QKI: variants seen among roughly 807,000 people sequenced by gnomAD.
The protein encoded by QKI is KH domain-containing RNA-binding protein QKI.
Under a neutral mutation model 39.0 loss-of-function variants are expected in QKI, and 10 were observed. The observed-to-expected ratio is 0.26, with a 90% CI of 0.16 to 0.43. QKI has a LOEUF of 0.43. Among genes scored for constraint, QKI ranks in the 20% least tolerant of loss-of-function variants. The probability of loss-of-function intolerance (pLI) is 1.00; values close to 1 mark genes in which losing one functional copy is unlikely to be tolerated. For missense variants in QKI, 218 were observed against 428.0 expected (o/e 0.51, Z 4.33); for synonymous variants, 204 against 155.4 (o/e 1.31, Z -2.33).
At chr6:163,533,064 G>C (rs1031272676) in intron 3 of QKI, among the ~76,000 whole-genome samples, 2 of 151,676 alleles carry the variant, frequency 1.3e-5, no homozygotes, top group African/African-American at 4.8e-5. Context: ...TCATATATAT[G>C]CGTTTAGTCA....
At chr6:163,472,918 T>C (rs1792311682) in intron 2 of QKI, among the ~76,000 whole-genome samples, 1 of 151,990 alleles carries the variant, frequency 6.6e-6, no homozygotes, top group Middle Eastern at 3.2e-3. Flanking sequence ...AAATATTCAT[T>C]TCAAAAAATT....
intron 1 of QKI, among the ~76,000 whole-genome samples, chr6:163,422,393 C>G (rs1731317351): frequency 6.6e-6 from 1 of 152,074 alleles, no homozygotes; most frequent in Non-Finnish European, 1.5e-5. Flanking sequence ...CAGAATGTGT[C>G]ATATTCTGCT....
At chr6:163,561,147 T>G (rs2128249844) in intron 4 of QKI, among the ~76,000 whole-genome samples, 1 of 152,330 alleles carries the variant, frequency 6.6e-6, no homozygotes, top group South Asian at 2.1e-4. Flanking sequence ...TAGAAGTTAT[T>G]ATTTCACTGA....
chr6:163,570,052 T>C, intron 7 of QKI: 5 of 986,246 alleles, frequency 5.1e-6, no homozygotes, highest in Non-Finnish European at 4.8e-6. Flanking sequence ...AGACTACAGT[T>C]TAGTATCGCT....
Position 163,534,377 on chromosome 6 carries a change from T to A in QKI, c.403-605T>A, listed in dbSNP as rs1781063077. On this transcript the variant is annotated intron_variant, in intron 3 of 7. Transcript: ENST00000361752. ...TACCGCATGAAATACTTAAAACAAG[T>A]GGTAGTCATCTTACACAATAACATC... 2.0e-5 allele frequency among the ~76,000 whole-genome samples: 3 copies of A among 152,240 alleles called. No homozygotes were observed. In the South Asian group the frequency reaches 6.2e-4, roughly 31 times the overall value.
At chr6:163,455,568 T>C in intron 2 of QKI, 147 bp downstream of exon 2, 1 of 833,394 alleles carries the variant, frequency 1.2e-6, no homozygotes, top group Non-Finnish European at 1.8e-6. Flanking sequence ...GGCATGATAA[T>C]TTAAAAAATT....
At chr6:163,426,272 T>C (rs1446023158) in intron 1 of QKI, among the ~76,000 whole-genome samples, 2 of 151,778 alleles carry the variant, frequency 1.3e-5, no homozygotes, top group Non-Finnish European at 2.9e-5. Flanking sequence ...ATGACATTGA[T>C]TTAACTTGTT....
chr6:163,547,768 T>C (rs1346054752), intron 4 of QKI, among the ~76,000 whole-genome samples: 1 of 152,088 alleles, frequency 6.6e-6, no homozygotes. Flanking sequence ...AAATAGCACA[T>C]ATCTTTTCTC....
At chr6:163,424,965 G>A (rs1334333884) in intron 1 of QKI, among the ~76,000 whole-genome samples, 1 of 152,056 alleles carries the variant, frequency 6.6e-6, no homozygotes, top group African/African-American at 2.4e-5. Flanking sequence ...TTTTAAAATC[G>A]CTTATGATAG....
chr6:163,522,250 A>G (rs930343776), intron 3 of QKI, among the ~76,000 whole-genome samples: 9 of 152,162 alleles, frequency 5.9e-5, no homozygotes, highest in African/African-American at 2.2e-4. Flanking sequence ...GCAAATAAAT[A>G]GTTACTAGTC....
At chr6:163,494,240 T>C (rs1227435370) in intron 3 of QKI, among the ~76,000 whole-genome samples, 1 of 152,246 alleles carries the variant, frequency 6.6e-6, no homozygotes, top group Admixed American at 6.5e-5. Context: ...GTATTTTAAG[T>C]AATCTAGTGA....
intron 1 of QKI, among the ~76,000 whole-genome samples, chr6:163,445,917 G>T (rs1269601370): frequency 6.6e-6 from 1 of 152,122 alleles, no homozygotes; most frequent in Non-Finnish European, 1.5e-5. Context: ...CCCGACCGTT[G>T]TGGGGTATAT....
intron 1 of QKI, among the ~76,000 whole-genome samples, chr6:163,420,680 A>T (rs1343417389): frequency 6.6e-6 from 1 of 152,184 alleles, no homozygotes; most frequent in Non-Finnish European, 1.5e-5. Flanking sequence ...CCTTAATGAT[A>T]ACTTTTAGGG....
intron 3 of QKI, among the ~76,000 whole-genome samples, chr6:163,520,380 A>C (rs911311136): frequency 1.3e-5 from 2 of 152,166 alleles, no homozygotes; most frequent in African/African-American, 4.8e-5. Flanking sequence ...AAAAATCATG[A>C]GTGTAACAGT....
At chr6:163,565,560 T>C in intron 6 of QKI, 1 of 989,822 alleles carries the variant, frequency 1.0e-6, no homozygotes, top group Non-Finnish European at 1.2e-6. Context: ...AATTTTTACT[T>C]ATAGAAACTT....
chr6:163,476,627 G>GTT (rs747194330), intron 2 of QKI, among the ~76,000 whole-genome samples: 1 of 152,200 alleles, frequency 6.6e-6, no homozygotes, highest in Non-Finnish European at 1.5e-5. Flanking sequence ...GGCCTTTGCT[G>GTT]TTCTGTGGGC....
At chr6:163,551,316 A>G (rs2010355050) in intron 4 of QKI, among the ~76,000 whole-genome samples, 1 of 152,186 alleles carries the variant, frequency 6.6e-6, no homozygotes. Flanking sequence ...ACCTGGAGAT[A>G]GCCTTAGGTC....
chr6:163,558,877 A>T (rs1782815595), intron 4 of QKI, among the ~76,000 whole-genome samples: 2 of 152,136 alleles, frequency 1.3e-5, no homozygotes, highest in African/African-American at 4.8e-5. Context: ...CCCTGCCAAA[A>T]TGTGGCTGTG....
At chr6:163,511,067 A>G (rs1245930961) in intron 3 of QKI, among the ~76,000 whole-genome samples, 2 of 152,276 alleles carry the variant, frequency 1.3e-5, no homozygotes, top group South Asian at 2.1e-4. Flanking sequence ...TTAAGATTAT[A>G]TAGAGTATGA....
Sources: gnomAD v4.1 joint callset for allele counts (sites outside exome capture counted in the v4.1 genomes callset) on GRCh38, gnomAD v4.1.1 for gene constraint, MANE v1.5 for transcripts, NCBI Gene and HGNC (gene_info 2026-07-23, HGNC 2026-07-21) for gene names.